The following MYO10 variants were observed in gnomAD, a reference collection of about 807,000 sequenced individuals.
MYO10 encodes the protein unconventional myosin-X.
In MYO10, 133 loss-of-function variants were observed where a neutral mutation model predicts 257.3. The ratio of observed to expected loss-of-function variants is 0.52; its 90% CI spans 0.45 to 0.60. MYO10 has a LOEUF of 0.60. Ranked by LOEUF, MYO10 falls within the 20% of genes least tolerant of loss-of-function variation. MYO10 has a pLI of 0.00. For synonymous variants in MYO10, 1,104 were observed against 1,028.6 expected (o/e 1.07, Z -1.40); for missense variants, 2,399 against 2,635.7 (o/e 0.91, Z 1.97).
At chr5:16,735,531 C>T (rs72732217) in intron 19 of MYO10, among the ~76,000 whole-genome samples, 26,853 of 151,794 alleles carry the variant, frequency 0.18, 2,494 homozygotes, top group South Asian at 0.22. Flanking sequence ...ATAGGGAGAC[C>T]CCATTTCCAC....
intron 2 of MYO10, among the ~76,000 whole-genome samples, chr5:16,856,521 GC>G (rs1251061348): frequency 6.6e-6 from 1 of 151,896 alleles, no homozygotes; most frequent in Non-Finnish European, 1.5e-5. Flanking sequence ...CTGCACTCCA[GC>G]CTGGGTGACA....
chr5:16,865,895 T>G (rs999158383), intron 2 of MYO10, among the ~76,000 whole-genome samples: 1 of 151,012 alleles, frequency 6.6e-6, no homozygotes, highest in South Asian at 2.1e-4. Context: ...TTGTTTGGAG[T>G]GATGAAAAAG....
intron 1 of MYO10, among the ~76,000 whole-genome samples, chr5:16,933,669 A>G (rs934050266): frequency 6.6e-6 from 1 of 152,186 alleles, no homozygotes. Context: ...TCACTGGACA[A>G]TTTAACAAAA....
intron 21 of MYO10, among the ~76,000 whole-genome samples, chr5:16,710,392 C>T (rs1365102612): frequency 6.6e-6 from 1 of 152,180 alleles, no homozygotes; most frequent in Non-Finnish European, 1.5e-5. Context: ...GGTTAAGGAG[C>T]CTCTGCCCCA....
chr5:16,734,106 T>G (rs1364850555), intron 19 of MYO10, among the ~76,000 whole-genome samples: 5 of 130,868 alleles, frequency 3.8e-5, no homozygotes, highest in Non-Finnish European at 6.4e-5. Flanking sequence ...ATAAAAGGGA[T>G]GCAAAAAAAA....
At position 16,839,093 on chromosome 5, in the gene MYO10, G is replaced by T. The variant is rs114085113; in HGVS notation, c.121-20926C>A. Among the ~76,000 whole-genome samples the T allele has an allele frequency of 6.6e-4, 101 of 152,296 alleles. 1 individual carries two copies. Among genetic ancestry groups the T allele is most frequent in the African/African-American group, 2.3e-3 (96 of 41,568 alleles). On this transcript the variant is annotated intron_variant, in intron 2 of 40. Transcript: ENST00000513610. ...ACCCATTCTGCAGCCCACGGATCAA[G>T]GAGTAACTTTGACTCTCAAGTCTTA...
Position 16,761,522 on chromosome 5 carries a change from A to G in MYO10, c.1681T>C (p.Leu561=), listed in dbSNP as rs887442669. Residue 561 remains leucine (L), a synonymous_variant, in exon 17 of 41, where the codon TTG becomes CTG. Transcript: ENST00000513610. The part of the protein sequence containing the change: ...GEVQYDVRGI[L]EKNRDTFRDD... Reference sequence around the variant, plus strand: ...CGAAATGTATCTCTGTTCTTCTCCAAGATACCTCGGACATCATATTGCACC... The same window carrying G: ...CGAAATGTATCTCTGTTCTTCTCCAGGATACCTCGGACATCATATTGCACC... The G allele has an allele frequency of 2.4e-5, 39 of 1,613,472 alleles. No individual in the cohort carries two copies. Among genetic ancestry groups the G allele is most frequent in the Non-Finnish European group, 2.8e-5 (33 of 1,179,588 alleles).
chr5:16,739,283 A>C (rs1739927669), intron 19 of MYO10, among the ~76,000 whole-genome samples: 1 of 151,542 alleles, frequency 6.6e-6, no homozygotes, highest in African/African-American at 2.4e-5. Flanking sequence ...ATTTGATTAC[A>C]CTATTGAGAA....
rs371917654 is a variant in MYO10, at chr5:16,668,325, C to G, written c.6027G>C (p.Thr2009=). 6.2e-7 allele frequency: 1 copy of G among 1,613,782 alleles called. No homozygotes were observed. Among genetic ancestry groups the G allele is most frequent in the Non-Finnish European group, 8.5e-7 (1 of 1,179,870 alleles). Residue 2009 remains threonine (T), a synonymous_variant, in exon 40 of 41, where the codon ACG becomes ACC. Coordinates refer to ENST00000513610, the MANE Select transcript of MYO10 (RefSeq NM_012334.3). Reference sequence around the variant, plus strand: ...CCCTCTCATCGACCACGATCTTATACGTATTCGCCAGGGGTGCCCCAAAAG... The same window carrying G: ...CCCTCTCATCGACCACGATCTTATAGGTATTCGCCAGGGGTGCCCCAAAAG... The part of the protein sequence containing the change: ...ILSFGAPLAN[T]YKIVVDEREL...
intron 38 of MYO10, 47 bp from the exon 39 acceptor site, chr5:16,671,025 C>T: frequency 6.6e-7 from 1 of 1,507,434 alleles, no homozygotes; most frequent in Non-Finnish European, 9.0e-7. Context: ...ACTGCCATGC[C>T]ATGGGATGCC....
chr5:16,832,563 T>A (rs951864211), intron 2 of MYO10, among the ~76,000 whole-genome samples: 1 of 152,144 alleles, frequency 6.6e-6, no homozygotes, highest in African/African-American at 2.4e-5. Context: ...AACCCCCAAT[T>A]CTTGGCTGCT....
At chr5:16,802,734 CA>C (rs1400587968) in intron 3 of MYO10, among the ~76,000 whole-genome samples, 1 of 149,450 alleles carries the variant, frequency 6.7e-6, no homozygotes. Context: ...GTATAGAATA[CA>C]TTAATCTCTA....
chr5:16,884,743 G>A (rs915263718), intron 1 of MYO10, among the ~76,000 whole-genome samples: 9 of 148,320 alleles, frequency 6.1e-5, no homozygotes, highest in African/African-American at 2.2e-4. Flanking sequence ...ATTACTCAAA[G>A]ACACATCAAA....
Position 16,704,560 on chromosome 5 carries a change from C to G in MYO10, c.2276+19G>C. 2 of 1,607,668 alleles carry G rather than the reference C, an allele frequency of 1.2e-6. No individual in the cohort carries two copies. The highest frequency in any genetic ancestry group is 1.7e-6 in the Non-Finnish European group (2 of 1,174,738). On this transcript the variant is annotated intron_variant, in intron 22 of 40. Transcript: ENST00000513610. Reference sequence around the variant, plus strand: ...CTCATGGAGCTTCCTGCCTTATCCCCTCAGCGTGGGGTTCTTACCGTGCTA... The same window carrying G: ...CTCATGGAGCTTCCTGCCTTATCCCGTCAGCGTGGGGTTCTTACCGTGCTA...
intron 36 of MYO10, among the ~76,000 whole-genome samples, 176 bp downstream of exon 36, chr5:16,673,506 A>C (rs911972955): frequency 5.3e-5 from 8 of 152,026 alleles, no homozygotes; most frequent in Admixed American, 3.9e-4. Context: ...ATATATTTTT[A>C]TCTCTATATT....
chr5:16,744,359 G>A (rs757593619), intron 19 of MYO10, among the ~76,000 whole-genome samples: 7 of 152,116 alleles, frequency 4.6e-5, no homozygotes, highest in Admixed American at 2.0e-4. Flanking sequence ...TTAAACACAG[G>A]GAAAGGACGC....
intron 1 of MYO10, among the ~76,000 whole-genome samples, chr5:16,895,082 T>C (rs1745180070): frequency 6.6e-6 from 1 of 152,216 alleles, no homozygotes; most frequent in Admixed American, 6.5e-5. Flanking sequence ...CCTCCACCCT[T>C]ACCAATAAAA....
intron 40 of MYO10, 145 bp downstream of exon 40, chr5:16,668,132 G>C (rs188745583): frequency 1.4e-5 from 11 of 806,610 alleles, no homozygotes; most frequent in Non-Finnish European, 2.0e-5. Context: ...CCGGCAGCTG[G>C]AAAGGGACCA....
chr5:16,808,132 C>T (rs564152205), intron 3 of MYO10, among the ~76,000 whole-genome samples: 1 of 152,164 alleles, frequency 6.6e-6, no homozygotes, highest in East Asian at 1.9e-4. Context: ...CTATCTTCTA[C>T]ATAACCCAAT....
Sources: gnomAD v4.1 joint callset for allele counts (sites outside exome capture counted in the v4.1 genomes callset) on GRCh38, gnomAD v4.1.1 for gene constraint, MANE v1.5 for transcripts, NCBI Gene and HGNC (gene_info 2026-07-23, HGNC 2026-07-21) for gene names.